L3MBTL4: variants seen among roughly 807,000 people sequenced by gnomAD.
L3MBTL4 encodes the protein lethal(3)malignant brain tumor-like protein 4.
In L3MBTL4, 70 loss-of-function variants were observed where a neutral mutation model predicts 84.5. The observed-to-expected ratio is 0.83, with a 90% confidence interval of 0.68 to 1.01. The LOEUF (loss-of-function observed/expected upper bound fraction) is 1.01. Ranked by LOEUF, L3MBTL4 falls within the 50% of genes least tolerant of loss-of-function variation. The probability of loss-of-function intolerance (pLI) is 0.00; values close to 1 mark genes in which losing one functional copy is unlikely to be tolerated. For synonymous variants in L3MBTL4, 274 were observed against 259.8 expected, an observed-to-expected ratio of 1.05 and a Z score of -0.52; for missense variants, 715 against 754.8, an observed-to-expected ratio of 0.95 and a Z score of 0.62.
intron 4 of L3MBTL4, among the ~76,000 whole-genome samples, chr18:6,295,074 C>A (rs560662736): frequency 1.3e-5 from 2 of 151,972 alleles, no homozygotes; most frequent in African/African-American, 2.4e-5. Context: ...GAGTTTGAGA[C>A]CAGGCTGGAC....
intron 16 of L3MBTL4, among the ~76,000 whole-genome samples, chr18:6,020,279 G>A (rs1006483831): frequency 1.3e-5 from 2 of 152,076 alleles, no homozygotes; most frequent in African/African-American, 2.4e-5. Context: ...GGCTGGCTGT[G>A]ATATAGTCAG....
At chr18:5,991,807 GA>G (rs1249238122) in intron 16 of L3MBTL4, among the ~76,000 whole-genome samples, 1 of 152,038 alleles carries the variant, frequency 6.6e-6, no homozygotes, top group Non-Finnish European at 1.5e-5. Context: ...CAGGTCATCT[GA>G]AAAAAATCAA....
At chr18:5,985,574 T>C (rs1425082303) in intron 16 of L3MBTL4, among the ~76,000 whole-genome samples, 3 of 152,224 alleles carry the variant, frequency 2.0e-5, no homozygotes, top group East Asian at 1.9e-4. Flanking sequence ...TGAGGCTGCC[T>C]GGCTCCCAGG....
chr18:6,042,220 T>C (rs2056434138), intron 16 of L3MBTL4, among the ~76,000 whole-genome samples: 1 of 152,138 alleles, frequency 6.6e-6, no homozygotes. Context: ...TAATCCCATC[T>C]CTTGAGTTGT....
At chr18:6,047,982 G>A (rs9962499) in intron 16 of L3MBTL4, among the ~76,000 whole-genome samples, 76,677 of 151,950 alleles carry the variant, frequency 0.5, 20,420 homozygotes, top group African/African-American at 0.66. Context: ...TTTGCTGACA[G>A]TACGATTCTA....
intron 4 of L3MBTL4, among the ~76,000 whole-genome samples, chr18:6,270,000 C>A (rs2146454330): frequency 6.6e-6 from 1 of 152,306 alleles, no homozygotes; most frequent in Non-Finnish European, 1.5e-5. Context: ...GCCATAAACA[C>A]AACCCTTCAT....
intron 14 of L3MBTL4, among the ~76,000 whole-genome samples, chr18:6,134,420 C>T (rs947899147): frequency 4.6e-5 from 7 of 152,148 alleles, no homozygotes; most frequent in African/African-American, 1.4e-4. Context: ...CTCATTTCAG[C>T]ATTAACCCAA....
intron 13 of L3MBTL4, among the ~76,000 whole-genome samples, chr18:6,163,306 TGGGTGG>T (rs374453316): frequency 0.01 from 864 of 83,368 alleles, 5 homozygotes; most frequent in South Asian, 0.034. Flanking sequence ...TGTGTGTGTG[TGGGTGG>T]GTGTGTATTT....
chr18:6,032,679 T>C (rs1358412956), intron 16 of L3MBTL4, among the ~76,000 whole-genome samples: 2 of 152,128 alleles, frequency 1.3e-5, no homozygotes, highest in Non-Finnish European at 2.9e-5. Flanking sequence ...CATGTTAAAC[T>C]CAAACTCTGA....
intron 13 of L3MBTL4, among the ~76,000 whole-genome samples, chr18:6,146,817 T>C (rs116746744): frequency 0.013 from 2,014 of 152,138 alleles, 55 homozygotes; most frequent in African/African-American, 0.046. Flanking sequence ...AGTCATTGAG[T>C]GAGGACGGGG....
chr18:6,398,669 G>T (rs2055378826), intron 1 of L3MBTL4, among the ~76,000 whole-genome samples: 1 of 141,774 alleles, frequency 7.1e-6, no homozygotes, highest in Non-Finnish European at 1.5e-5. Flanking sequence ...TAGATGTTTT[G>T]ATTGTGCCTC....
intron 14 of L3MBTL4, among the ~76,000 whole-genome samples, chr18:6,134,516 C>T (rs1328598056): frequency 1.3e-5 from 2 of 152,276 alleles, no homozygotes; most frequent in Non-Finnish European, 1.5e-5. Context: ...CTAGTTACTT[C>T]CTAGATACAA....
intron 12 of L3MBTL4, among the ~76,000 whole-genome samples, chr18:6,212,588 T>C (rs1391422928): frequency 6.6e-6 from 1 of 152,276 alleles, no homozygotes; most frequent in South Asian, 2.1e-4. Context: ...CCACAGTGAA[T>C]AAAGTGTTTT....
chr18:6,378,424 T>G (rs2054460972), intron 1 of L3MBTL4, among the ~76,000 whole-genome samples: 1 of 152,180 alleles, frequency 6.6e-6, no homozygotes, highest in Non-Finnish European at 1.5e-5. Context: ...ATTGCCTAGG[T>G]TTTTGTCTAG....
At chr18:6,142,945 T>C (rs2060241782) in intron 13 of L3MBTL4, among the ~76,000 whole-genome samples, 1 of 152,000 alleles carries the variant, frequency 6.6e-6, no homozygotes, top group African/African-American at 2.4e-5. Flanking sequence ...ATTCAGTAAA[T>C]AAAAGGATCT....
intron 4 of L3MBTL4, among the ~76,000 whole-genome samples, chr18:6,296,937 G>C (rs1439978440): frequency 6.6e-6 from 1 of 152,244 alleles, no homozygotes; most frequent in East Asian, 1.9e-4. Flanking sequence ...GGTTGATGAT[G>C]GTGCTACAGG....
intron 18 of L3MBTL4, 77 bp from the exon 19 acceptor site, chr18:5,956,464 C>CCACATCACACTCAGAACCAAAG: frequency 7.1e-7 from 1 of 1,418,320 alleles, no homozygotes; most frequent in Non-Finnish European, 9.7e-7. Flanking sequence ...CACTTTGGTT[C>CCACATCACACTCAGAACCAAAG]TGAGTGTGAT....
rs377560790 is a variant in L3MBTL4, at chr18:6,162,749, A to C, written c.1096+9079T>G. Among the ~76,000 whole-genome samples the C allele has an allele frequency of 1.5e-3, 229 of 152,340 alleles. 1 individual carries two copies. Among genetic ancestry groups the C allele is most frequent in the African/African-American group, 5.3e-3 (220 of 41,580 alleles). Reference sequence around the variant, plus strand: ...ATGCCCTGAAGCCTCCATGCCACACAGGCATTTGACAACAACTGAGCGGTG... The same window carrying C: ...ATGCCCTGAAGCCTCCATGCCACACCGGCATTTGACAACAACTGAGCGGTG... On this transcript the variant is annotated intron_variant, in intron 13 of 18. Transcript: ENST00000317931.
intron 16 of L3MBTL4, among the ~76,000 whole-genome samples, chr18:5,994,229 G>A (rs1413939173): frequency 6.6e-6 from 1 of 152,174 alleles, no homozygotes; most frequent in Non-Finnish European, 1.5e-5. Flanking sequence ...GCCTCTACCG[G>A]CCAGGCATCT....
Sources: allele counts gnomAD v4.1 joint callset (sites outside exome capture counted in the v4.1 genomes callset), GRCh38; gene constraint gnomAD v4.1.1; transcripts MANE v1.5; gene names NCBI Gene and HGNC (gene_info 2026-07-23, HGNC 2026-07-21).